The following DCDC1 variants were observed in gnomAD, a reference collection of about 807,000 sequenced individuals.
DCDC1 encodes the protein doublecortin domain containing 1.
Under a neutral mutation model 178.3 loss-of-function variants are expected in DCDC1, and 200 were observed. The observed-to-expected ratio is 1.12, with a 90% CI of 1.00 to 1.26. DCDC1 has a LOEUF of 1.26. Among genes scored for constraint, DCDC1 ranks in the 50% most tolerant of loss-of-function variants. The pLI is 0.00. For synonymous variants in DCDC1, 690 were observed against 604.8 expected, an observed-to-expected ratio of 1.14 and a Z score of -2.07; for missense variants, 1,983 against 1,749.2, an observed-to-expected ratio of 1.13 and a Z score of -2.38.
chr11:31,147,606 T>C (rs1964584454), intron 9 of DCDC1, among the ~76,000 whole-genome samples: 1 of 152,186 alleles, frequency 6.6e-6, no homozygotes, highest in Non-Finnish European at 1.5e-5. Flanking sequence ...GATTAAGATA[T>C]TTGAGTTGGA....
At chr11:31,223,883 T>C (rs1375416136) in intron 9 of DCDC1, among the ~76,000 whole-genome samples, 2 of 152,028 alleles carry the variant, frequency 1.3e-5, no homozygotes, top group African/African-American at 4.8e-5. Flanking sequence ...TTTGGCTGTG[T>C]CCCCACCAAA....
At chr11:31,165,720 AT>A (rs1966725461) in intron 9 of DCDC1, among the ~76,000 whole-genome samples, 1 of 152,218 alleles carries the variant, frequency 6.6e-6, no homozygotes. Flanking sequence ...CTCTTTATAT[AT>A]TAAGGGCATT....
chr11:31,161,723 A>C (rs575326621), intron 9 of DCDC1, among the ~76,000 whole-genome samples: 1 of 152,294 alleles, frequency 6.6e-6, no homozygotes, highest in South Asian at 2.1e-4. Flanking sequence ...TCTTTTCAGA[A>C]GTCATATACA....
intron 2 of DCDC1, among the ~76,000 whole-genome samples, chr11:31,328,839 A>G (rs1293564890): frequency 6.6e-6 from 1 of 150,930 alleles, no homozygotes; most frequent in African/African-American, 2.4e-5. Flanking sequence ...GATTAAAAAA[A>G]TGCTGGTTTG....
At chr11:31,163,324 G>A (rs917178494) in intron 9 of DCDC1, among the ~76,000 whole-genome samples, 5 of 152,166 alleles carry the variant, frequency 3.3e-5, no homozygotes, top group Non-Finnish European at 5.9e-5. Flanking sequence ...TGTGGTGAAT[G>A]TGGTGAGAGG....
chr11:30,888,287 C>T (rs1943482589), intron 36 of DCDC1, among the ~76,000 whole-genome samples: 1 of 152,144 alleles, frequency 6.6e-6, no homozygotes, highest in Non-Finnish European at 1.5e-5. Flanking sequence ...CTCAGTGAGG[C>T]TTGTGCCTGG....
intron 3 of DCDC1, among the ~76,000 whole-genome samples, chr11:31,315,099 G>A (rs913098220): frequency 6.6e-5 from 10 of 152,002 alleles, no homozygotes; most frequent in African/African-American, 2.2e-4. Flanking sequence ...GATTTGACAA[G>A]AACAATTTTT....
chr11:31,262,785 G>T (rs558395889), intron 8 of DCDC1: 2 of 327,456 alleles, frequency 6.1e-6, no homozygotes, highest in Non-Finnish European at 1.1e-5. Context: ...GAAAAAAGAA[G>T]TTCAAAAACC....
intron 9 of DCDC1, among the ~76,000 whole-genome samples, chr11:31,201,698 T>C (rs928325764): frequency 6.7e-6 from 1 of 148,302 alleles, no homozygotes; most frequent in Admixed American, 6.7e-5. Context: ...CAAGATGAAG[T>C]GTTAAATCAG....
At chr11:31,081,610 CAA>C (rs372240142) in intron 17 of DCDC1, among the ~76,000 whole-genome samples, 1 of 140,290 alleles carries the variant, frequency 7.1e-6, no homozygotes, top group Admixed American at 7.2e-5. Flanking sequence ...AACTCCATCT[CAA>C]AAAAAAAAGA....
intron 20 of DCDC1, among the ~76,000 whole-genome samples, chr11:30,972,301 A>C (rs1228283030): frequency 6.6e-6 from 1 of 152,232 alleles, no homozygotes; most frequent in Non-Finnish European, 1.5e-5. Flanking sequence ...GAAACATTAT[A>C]GGAGAGAATG....
chr11:31,224,493 A>C (rs1355340574), intron 9 of DCDC1, among the ~76,000 whole-genome samples: 1 of 152,038 alleles, frequency 6.6e-6, no homozygotes, highest in Non-Finnish European at 1.5e-5. Context: ...AAATGCAAAA[A>C]TAAATAAATA....
chr11:31,018,764 G>A lies in DCDC1; in HGVS notation c.2591+45705C>T, dbSNP rs2135181524. Among the ~76,000 whole-genome samples the A allele has an allele frequency of 2.0e-5, 3 of 152,298 alleles. No individual in the cohort carries two copies. In the South Asian group the frequency reaches 6.2e-4, roughly 32 times the overall value. ...TGAGAGATATTTAGTATAATGTTGT[G>A]ACTTTTTCCACATCCTGACAATCCA... On this transcript the variant is annotated intron_variant, in intron 20 of 38. Transcript: ENST00000684477.
chr11:31,202,835 A>G (rs1971452930), intron 9 of DCDC1, among the ~76,000 whole-genome samples: 1 of 152,144 alleles, frequency 6.6e-6, no homozygotes, highest in Admixed American at 6.5e-5. Context: ...CCAGGAAAAG[A>G]GGCCAGGAAA....
At chr11:31,027,355 C>G (rs1953309853) in intron 20 of DCDC1, among the ~76,000 whole-genome samples, 1 of 151,734 alleles carries the variant, frequency 6.6e-6, no homozygotes, top group Admixed American at 6.6e-5. Context: ...GTTAAAGGCA[C>G]AAAGGATGAG....
At chr11:30,969,811 G>T (rs1224268599) in intron 20 of DCDC1, among the ~76,000 whole-genome samples, 5 of 151,824 alleles carry the variant, frequency 3.3e-5, no homozygotes, top group Non-Finnish European at 5.9e-5. Context: ...AAATTTTTAT[G>T]TCCTAATTTT....
intron 9 of DCDC1, among the ~76,000 whole-genome samples, chr11:31,174,548 G>A (rs1228021358): frequency 3.9e-5 from 6 of 152,126 alleles, no homozygotes; most frequent in Admixed American, 1.3e-4. Context: ...TGGGTCTCTC[G>A]TGAAGCCCCA....
intron 10 of DCDC1, among the ~76,000 whole-genome samples, chr11:31,134,070 TCTAAC>T (rs960607935): frequency 6.6e-6 from 1 of 152,168 alleles, no homozygotes; most frequent in African/African-American, 2.4e-5. Context: ...TGGAGGTAGA[TCTAAC>T]CTATTTTCAG....
intron 9 of DCDC1, among the ~76,000 whole-genome samples, chr11:31,211,123 C>G (rs749879105): frequency 6.6e-6 from 1 of 152,196 alleles, no homozygotes; most frequent in Non-Finnish European, 1.5e-5. Flanking sequence ...TGATCATCCA[C>G]CATGACTTCA....
Sources: gnomAD v4.1 joint callset for allele counts (sites outside exome capture counted in the v4.1 genomes callset) on GRCh38, gnomAD v4.1.1 for gene constraint, MANE v1.5 for transcripts, NCBI Gene and HGNC (gene_info 2026-07-23, HGNC 2026-07-21) for gene names.